The following PHLDB2 variants were observed in gnomAD, a reference collection of about 807,000 sequenced individuals.
PHLDB2 encodes pleckstrin homology like domain family B member 2.
A neutral mutation model predicts 123.6 loss-of-function variants in PHLDB2; 71 were observed. The ratio of observed to expected loss-of-function variants is 0.57; its 90% confidence interval spans 0.47 to 0.70. The LOEUF (loss-of-function observed/expected upper bound fraction) is 0.70. Among genes scored for constraint, PHLDB2 ranks in the 30% least tolerant of loss-of-function variants. The pLI, the probability that PHLDB2 is intolerant of heterozygous loss-of-function variation, is 0.00. For synonymous variants in PHLDB2, 547 were observed against 541.6 expected (o/e 1.01, Z -0.14); for missense variants, 1,446 against 1,519.5 (o/e 0.95, Z 0.80).
intron 1 of PHLDB2, among the ~76,000 whole-genome samples, chr3:111,829,896 T>G (rs927312546): frequency 6.6e-6 from 1 of 151,404 alleles, no homozygotes; most frequent in East Asian, 1.9e-4. Flanking sequence ...ACCTTACATT[T>G]TCTTATCACC....
chr3:111,743,750 C>T (rs995844207), intron 1 of PHLDB2, among the ~76,000 whole-genome samples: 1 of 152,172 alleles, frequency 6.6e-6, no homozygotes, highest in African/African-American at 2.4e-5. Context: ...CTTAAGTTGG[C>T]TTAGGTAAGC....
chr3:111,879,810 A>T (rs2107306805), intron 1 of PHLDB2, among the ~76,000 whole-genome samples: 1 of 152,212 alleles, frequency 6.6e-6, no homozygotes, highest in Middle Eastern at 3.4e-3. Flanking sequence ...CTTCTGCCAG[A>T]TTGTGTAATG....
At chr3:111,852,086 A>G (rs560411312) in intron 2 of PHLDB2, among the ~76,000 whole-genome samples, 1 of 151,980 alleles carries the variant, frequency 6.6e-6, no homozygotes, top group African/African-American at 2.4e-5. Context: ...TATTACAGTT[A>G]TATGCTAGGC....
chr3:111,873,794 G>C (rs901616767), intron 1 of PHLDB2, among the ~76,000 whole-genome samples: 1 of 151,698 alleles, frequency 6.6e-6, no homozygotes, highest in African/African-American at 2.4e-5. Context: ...GATTTTTTTT[G>C]TAGCCACACC....
intron 2 of PHLDB2, among the ~76,000 whole-genome samples, chr3:111,891,003 A>G (rs1372040426): frequency 6.6e-6 from 1 of 152,178 alleles, no homozygotes; most frequent in Non-Finnish European, 1.5e-5. Flanking sequence ...TGAGGTTCTC[A>G]AGGAGGTCCT....
chr3:111,747,820 C>A (rs2059704137), intron 1 of PHLDB2, among the ~76,000 whole-genome samples: 1 of 152,154 alleles, frequency 6.6e-6, no homozygotes, highest in Non-Finnish European at 1.5e-5. Flanking sequence ...TGGGTTGTGT[C>A]TTTTTGTATA....
intron 12 of PHLDB2, chr3:111,958,384 T>C (rs2071182917): frequency 5.0e-6 from 4 of 807,184 alleles, no homozygotes; most frequent in Non-Finnish European, 4.5e-6. Flanking sequence ...TTACTTTCTA[T>C]ATTACAGCCC....
At chr3:111,894,252 G>A (rs1252312713) in intron 2 of PHLDB2, among the ~76,000 whole-genome samples, 155 of 151,958 alleles carry the variant, frequency 1.0e-3, no homozygotes, top group African/African-American at 3.6e-3. Flanking sequence ...ATCATTTTTT[G>A]TGGCTGCATA....
intron 1 of PHLDB2, among the ~76,000 whole-genome samples, chr3:111,759,398 T>C (rs2059956283): frequency 6.6e-6 from 1 of 152,224 alleles, no homozygotes; most frequent in South Asian, 2.1e-4. Flanking sequence ...GTTTCAGCCT[T>C]ACCCAAAGGC....
At chr3:111,813,759 G>A (rs745889146) in intron 1 of PHLDB2, among the ~76,000 whole-genome samples, 26 of 152,336 alleles carry the variant, frequency 1.7e-4, no homozygotes, top group Non-Finnish European at 2.6e-4. Context: ...GAGTGAAGAA[G>A]TAATGTATTT....
chr3:111,869,271 T>G (rs1473743834), intron 1 of PHLDB2, among the ~76,000 whole-genome samples: 1 of 152,130 alleles, frequency 6.6e-6, no homozygotes, highest in African/African-American at 2.4e-5. Flanking sequence ...AAGCTGGAAC[T>G]TCTTTCATAT....
At position 111,932,291 on chromosome 3, in the gene PHLDB2, A is replaced by G. The variant is rs2069191939; in HGVS notation, c.2024A>G (p.Glu675Gly). ...KTKEKVKLDAEREKLERLQEL... is the reference protein window; with the variant it reads ...KTKEKVKLDAGREKLERLQEL... ...CAGGAGAAGGTAAAGCTTGATGCTG[A>G]AAGGGAAAAACTAGAGAGGCTTCAG... The change falls in exon 6 of 18, where the codon GAA becomes GGA. Residue 675 changes from glutamate to glycine, a missense_variant. Physicochemically the swap from Glu to Gly is moderately conservative, Grantham distance 98. Around this residue, in one of 3 missense-constraint regions of PHLDB2, gnomAD observed 832 missense variants for 831.9 expected, o/e 1.00. Coordinates refer to ENST00000431670, the MANE Select transcript of PHLDB2 (RefSeq NM_001134438.2). 6.4e-7 allele frequency: 1 copy of G among 1,551,450 alleles called. No homozygotes were observed. Among genetic ancestry groups the G allele is most frequent in the Non-Finnish European group, 8.7e-7 (1 of 1,146,720 alleles).
intron 2 of PHLDB2, among the ~76,000 whole-genome samples, chr3:111,895,858 A>ATCTATCTATCTG (rs1298505494): frequency 1.5e-4 from 3 of 19,502 alleles, no homozygotes; most frequent in Non-Finnish European, 4.0e-4. Flanking sequence ...AAAAAAAAAA[A>ATCTATCTATCTG]TCTATCTATC....
intron 1 of PHLDB2, among the ~76,000 whole-genome samples, chr3:111,877,157 A>G: frequency 6.6e-6 from 1 of 152,258 alleles, no homozygotes; most frequent in African/African-American, 2.4e-5. Flanking sequence ...TGACTTCCAC[A>G]ATGGTTGAAC....
intron 1 of PHLDB2, among the ~76,000 whole-genome samples, chr3:111,872,933 T>G (rs2065417473): frequency 6.6e-6 from 1 of 152,212 alleles, no homozygotes; most frequent in Non-Finnish European, 1.5e-5. Flanking sequence ...TTGTACCTGA[T>G]GGTAAATCTC....
chr3:111,740,148 C>T (rs1048094539), intron 1 of PHLDB2, among the ~76,000 whole-genome samples: 5 of 152,130 alleles, frequency 3.3e-5, no homozygotes, highest in African/African-American at 1.2e-4. Context: ...AGTGTGATAT[C>T]ATCATGGCTC....
intron 1 of PHLDB2, among the ~76,000 whole-genome samples, chr3:111,864,416 G>A (rs2064972072): frequency 6.6e-6 from 1 of 151,430 alleles, no homozygotes; most frequent in Admixed American, 6.6e-5. Context: ...TAAACATTTA[G>A]CAAGGCAGAA....
At chr3:111,778,499 A>T (rs1381954172) in intron 1 of PHLDB2, 1 of 152,082 alleles carries the variant, frequency 6.6e-6, no homozygotes, top group Non-Finnish European at 1.5e-5. Flanking sequence ...CTAGCAAACT[A>T]ACAAGATGCA....
intron 1 of PHLDB2, among the ~76,000 whole-genome samples, chr3:111,780,402 A>AGAAGAGGAAG (rs2060414775): frequency 6.9e-6 from 1 of 145,814 alleles, no homozygotes; most frequent in African/African-American, 2.6e-5. Flanking sequence ...AAGAAGAAGA[A>AGAAGAGGAAG]GAAGAAGAAA....
Sources: gnomAD v4.1 joint callset for allele counts (sites outside exome capture counted in the v4.1 genomes callset) on GRCh38, gnomAD v4.1.1 for gene constraint, gnomAD v4.1.1 regional missense constraint, MANE v1.5 for transcripts, NCBI Gene and HGNC (gene_info 2026-07-23, HGNC 2026-07-21) for gene names.